The following EYS variants were observed in gnomAD, a reference collection of about 807,000 sequenced individuals.
EYS encodes the protein EGF-like photoreceptor maintenance factor, also known as protein eyes shut homolog.
Under a neutral mutation model 282.1 loss-of-function variants are expected in EYS, and 250 were observed. The observed-to-expected ratio is 0.89, with a 90% CI of 0.80 to 0.98. The LOEUF is 0.98. EYS is among the 50% of genes least tolerant of loss of function. The pLI is 0.00. For missense variants in EYS, 4,016 were observed against 3,709.0 expected (o/e 1.08, Z -2.15); for synonymous variants, 1,355 against 1,282.9 (o/e 1.06, Z -1.20).
At chr6:64,281,475 T>C (rs1768308417) in intron 30 of EYS, among the ~76,000 whole-genome samples, 1 of 152,128 alleles carries the variant, frequency 6.6e-6, no homozygotes, top group African/African-American at 2.4e-5. Context: ...TCTGTAAATT[T>C]AATTAAAGAC....
chr6:64,366,268 G>A (rs1194084032), intron 29 of EYS, among the ~76,000 whole-genome samples: 1 of 151,926 alleles, frequency 6.6e-6, no homozygotes, highest in Non-Finnish European at 1.5e-5. Context: ...AAATTAAGAA[G>A]GCCTGGCAGT....
At chr6:64,453,293 A>C (rs562480396) in intron 26 of EYS, among the ~76,000 whole-genome samples, 174 of 152,348 alleles carry the variant, frequency 1.1e-3, no homozygotes, top group African/African-American at 4.1e-3. Context: ...AATGCAAATC[A>C]AAACCACAAT....
rs539600699 is a variant in EYS, at chr6:64,072,548, A to G, written c.6572-6057T>C. ...TGAGGTGGTGGTTGGGAGTTGGAGCATATTTAGAAACACAAAACTGCACCA... is the reference window on the plus strand; with the variant it reads ...TGAGGTGGTGGTTGGGAGTTGGAGCGTATTTAGAAACACAAAACTGCACCA... On this transcript the variant is annotated intron_variant, in intron 32 of 42. Coordinates refer to ENST00000503581, the MANE Select transcript of EYS (RefSeq NM_001142800.2). Among the ~76,000 whole-genome samples the G allele has an allele frequency of 8.8e-4, 133 of 151,886 alleles. 4 individuals are homozygous for G. In the South Asian group the frequency reaches 0.027, roughly 31 times the overall value.
intron 2 of EYS, among the ~76,000 whole-genome samples, chr6:65,525,468 C>T (rs942558683): frequency 2.0e-5 from 3 of 152,206 alleles, no homozygotes; most frequent in African/African-American, 7.2e-5. Flanking sequence ...TTCAACTTAA[C>T]TCATGATCTG....
intron 30 of EYS, among the ~76,000 whole-genome samples, chr6:64,269,453 G>A (rs1767867227): frequency 6.6e-6 from 1 of 151,426 alleles, no homozygotes; most frequent in East Asian, 1.9e-4. Context: ...TCTCTAGAAG[G>A]GAAAAGATAG....
rs548671844 is a variant in EYS, at chr6:64,367,319, C to CT, written c.6078+21370dup. Among the ~76,000 whole-genome samples, 6 of 152,022 alleles carry CT rather than the reference C, an allele frequency of 3.9e-5. No homozygotes were observed. In the South Asian group the frequency reaches 1.2e-3, roughly 32 times the overall value. On this transcript the variant is annotated intron_variant, in intron 29 of 42. Transcript: ENST00000503581. ...GTCTTAAGGAGATTCATAAGTGTGG[C>CT]TTTTTTCTAAGGGTATGAACCACTT... is the stretch of plus-strand genomic sequence containing the variant.
chr6:65,466,116 A>C (rs577886205), intron 5 of EYS, among the ~76,000 whole-genome samples: 1 of 152,308 alleles, frequency 6.6e-6, no homozygotes, highest in South Asian at 2.1e-4. Context: ...AAAATGTATA[A>C]TAGTGTAACA....
At chr6:64,096,970 A>G (rs985163854) in intron 31 of EYS, among the ~76,000 whole-genome samples, 1 of 152,206 alleles carries the variant, frequency 6.6e-6, no homozygotes, top group African/African-American at 2.4e-5. Flanking sequence ...TCCTTCTAAC[A>G]GTCAGGACCC....
intron 28 of EYS, among the ~76,000 whole-genome samples, chr6:64,389,137 C>T (rs1773014185): frequency 6.6e-6 from 1 of 152,056 alleles, no homozygotes; most frequent in Non-Finnish European, 1.5e-5. Flanking sequence ...TATAATATTC[C>T]ATTTTAGCTT....
At chr6:64,586,366 C>T (rs1033616648) in intron 26 of EYS, among the ~76,000 whole-genome samples, 2 of 152,038 alleles carry the variant, frequency 1.3e-5, no homozygotes, top group African/African-American at 2.4e-5. Context: ...TAGACTAAGA[C>T]ACTTAATGCA....
intron 5 of EYS, among the ~76,000 whole-genome samples, chr6:65,469,296 A>G (rs2127236852): frequency 1.3e-5 from 2 of 152,162 alleles, no homozygotes; most frequent in Middle Eastern, 7.0e-3. Context: ...ATTTTTTGAC[A>G]TGTAATATCA....
At chr6:64,258,960 T>A (rs1767492500) in intron 30 of EYS, among the ~76,000 whole-genome samples, 1 of 152,060 alleles carries the variant, frequency 6.6e-6, no homozygotes, top group South Asian at 2.1e-4. Context: ...GTGCTTAAGA[T>A]AATACTGTAT....
chr6:63,776,233 C>T (rs1161091199), intron 40 of EYS, among the ~76,000 whole-genome samples: 5 of 152,040 alleles, frequency 3.3e-5, no homozygotes, highest in Non-Finnish European at 5.9e-5. Context: ...ATAATTTCAA[C>T]GTTATTTTTT....
At chr6:65,134,203 G>C (rs1350897911) in intron 12 of EYS, among the ~76,000 whole-genome samples, 1 of 151,990 alleles carries the variant, frequency 6.6e-6, no homozygotes, top group African/African-American at 2.4e-5. Flanking sequence ...AAAGCAGTGT[G>C]GTGATTTCTC....
chr6:64,757,787 T>TG (rs1344050592), intron 22 of EYS, among the ~76,000 whole-genome samples: 7 of 146,404 alleles, frequency 4.8e-5, no homozygotes, highest in South Asian at 2.2e-4. Flanking sequence ...TGTGTGTGTG[T>TG]TTTGTTTGTT....
At chr6:65,006,195 G>C (rs1057227325) in intron 13 of EYS, among the ~76,000 whole-genome samples, 2 of 151,798 alleles carry the variant, frequency 1.3e-5, no homozygotes, top group African/African-American at 4.8e-5. Context: ...GGCTAAGAGA[G>C]AGAGACGGAG....
intron 22 of EYS, among the ~76,000 whole-genome samples, chr6:64,741,979 T>C (rs1772388723): frequency 6.6e-6 from 1 of 152,184 alleles, no homozygotes; most frequent in Non-Finnish European, 1.5e-5. Flanking sequence ...TTTCTTCAAA[T>C]ATTTTTTTTT....
chr6:65,612,198 A>G (rs1766026609), intron 2 of EYS, among the ~76,000 whole-genome samples: 1 of 150,784 alleles, frequency 6.6e-6, no homozygotes, highest in Admixed American at 6.7e-5. Flanking sequence ...TAAACCCTGT[A>G]TATATATGTA....
At chr6:65,082,853 T>C (rs1373856892) in intron 12 of EYS, among the ~76,000 whole-genome samples, 1 of 151,960 alleles carries the variant, frequency 6.6e-6, no homozygotes, top group African/African-American at 2.4e-5. Context: ...AAATAACTAA[T>C]TACAGAAACA....
Sources: allele counts gnomAD v4.1 joint callset (sites outside exome capture counted in the v4.1 genomes callset), GRCh38; gene constraint gnomAD v4.1.1; transcripts MANE v1.5; gene names NCBI Gene and HGNC (gene_info 2026-07-23, HGNC 2026-07-21).